DMD: variants seen among roughly 807,000 people sequenced by gnomAD.
DMD encodes the protein mutant dystrophin.
In DMD, 63 loss-of-function variants were observed where a neutral mutation model predicts 330.1. The ratio of observed to expected loss-of-function variants is 0.19; its 90% CI spans 0.16 to 0.24. The LOEUF (loss-of-function observed/expected upper bound fraction) is 0.24. Ranked by LOEUF, DMD falls within the 10% of genes least tolerant of loss-of-function variation. DMD has a pLI of 1.00. For missense variants in DMD, 3,344 were observed against 2,684.1 expected, an observed-to-expected ratio of 1.25 and a Z score of -5.43; for synonymous variants, 1,223 against 959.8, an observed-to-expected ratio of 1.27 and a Z score of -5.07.
intron 1 of DMD, among the ~76,000 whole-genome samples, chrX:33,271,777 C>CA (rs771405828): frequency 0.012 from 855 of 73,186 alleles, 3 homozygotes; most frequent in Non-Finnish European, 0.016. Flanking sequence ...AAAAAAAAAC[C>CA]AAAAAAAAAA....
intron 44 of DMD, among the ~76,000 whole-genome samples, chrX:32,038,408 C>T (rs777937722): frequency 1.8e-5 from 2 of 111,294 alleles, no homozygotes; most frequent in East Asian, 2.8e-4. Context: ...CAGGAGTTGG[C>T]GGGTGGGAAA....
intron 62 of DMD, among the ~76,000 whole-genome samples, chrX:31,269,479 C>T (rs2051445711): frequency 9.0e-6 from 1 of 111,406 alleles, no homozygotes; most frequent in Admixed American, 9.5e-5. Flanking sequence ...GTTCCCAGTA[C>T]CACTGTCTAG....
intron 21 of DMD, among the ~76,000 whole-genome samples, chrX:32,477,763 T>A (rs1010432753): frequency 1.8e-5 from 2 of 110,492 alleles, no homozygotes; most frequent in African/African-American, 6.6e-5. Context: ...AAAATAGAAC[T>A]ACTCAGAAAA....
rs1458160863 is a variant in DMD, at chrX:32,849,800, C to G, written c.114G>C (p.Glu38Asp). 1.7e-6 allele frequency: 2 copies of G among 1,203,761 alleles called. No individual in the cohort carries two copies. The highest frequency in any genetic ancestry group is 1.8e-5 in the South Asian group (1 of 56,696). Reference sequence around the variant, plus strand: ...CATCCTGTAGGTCACTGAAGAGGTTCTCAATATGCTGCTTCCCAAACTGAA... The same window carrying G: ...CATCCTGTAGGTCACTGAAGAGGTTGTCAATATGCTGCTTCCCAAACTGAA... The part of the protein sequence containing the change: ...QFSKFGKQHI[E>D]NLFSDLQDGR... Residue 38 changes from glutamate to aspartate, a missense_variant, in exon 3 of 79, where the codon GAG becomes GAC. Coordinates refer to ENST00000357033, the MANE Select transcript of DMD (RefSeq NM_004006.3).
chrX:31,807,924 GGGTGTTTTTGGATAAC>G (rs1470704478), intron 50 of DMD, among the ~76,000 whole-genome samples: 1 of 111,415 alleles, frequency 9.0e-6, no homozygotes, highest in Non-Finnish European at 1.9e-5. Flanking sequence ...CTTAGTAGCT[GGGTGTTTTTGGATAAC>G]CATTCTCTCT....
intron 55 of DMD, among the ~76,000 whole-genome samples, chrX:31,616,378 G>T (rs186804120): frequency 8.9e-6 from 1 of 111,766 alleles, no homozygotes; most frequent in Non-Finnish European, 1.9e-5. Context: ...AGACACAGAA[G>T]TAAGCTGGCT....
chrX:32,614,175 T>G (rs900601223), intron 12 of DMD, 128 bp downstream of exon 12: 2 of 722,181 alleles, frequency 2.8e-6, no homozygotes, highest in Non-Finnish European at 4.0e-6. Flanking sequence ...TAAAAATAAT[T>G]TTTAAAATAT....
chrX:32,502,227 G>C (rs2044132047), intron 18 of DMD, among the ~76,000 whole-genome samples: 1 of 111,055 alleles, frequency 9.0e-6, no homozygotes, highest in Admixed American at 9.7e-5. Context: ...TAAGTATATA[G>C]GCGGTATTAA....
intron 74 of DMD, among the ~76,000 whole-genome samples, chrX:31,156,849 T>C (rs949930370): frequency 1.8e-5 from 2 of 111,896 alleles, no homozygotes; most frequent in African/African-American, 6.5e-5. Context: ...TATGCATATC[T>C]AGCGCTTAGA....
At chrX:32,575,445 CAACTT>C (rs1477783604) in intron 13 of DMD, among the ~76,000 whole-genome samples, 19 of 111,946 alleles carry the variant, frequency 1.7e-4, no homozygotes, top group African/African-American at 5.5e-4. Context: ...ACTTTCTACT[CAACTT>C]ATTTTGAATT....
intron 27 of DMD, among the ~76,000 whole-genome samples, chrX:32,448,059 C>G (rs1278692421): frequency 9.1e-6 from 1 of 110,372 alleles, no homozygotes; most frequent in Non-Finnish European, 1.9e-5. Context: ...CCCAAAGATA[C>G]TTAAATAAGT....
intron 1 of DMD, among the ~76,000 whole-genome samples, chrX:33,042,310 T>A (rs186744348): frequency 1.8e-5 from 2 of 111,806 alleles, no homozygotes; most frequent in Admixed American, 9.7e-5. Context: ...ACATTTTCAA[T>A]ATATAATTCC....
At chrX:33,196,325 T>C (rs1299181368) in intron 1 of DMD, among the ~76,000 whole-genome samples, 2 of 111,108 alleles carry the variant, frequency 1.8e-5, no homozygotes, top group Non-Finnish European at 3.8e-5. Context: ...GTGAGAGACA[T>C]GAGCAGATGC....
At chrX:32,718,289 T>C (rs933582545) in intron 7 of DMD, among the ~76,000 whole-genome samples, 1 of 111,025 alleles carries the variant, frequency 9.0e-6, no homozygotes, top group South Asian at 3.8e-4. Context: ...CCTCTTACTG[T>C]TCCAATGATA....
intron 43 of DMD, among the ~76,000 whole-genome samples, chrX:32,242,092 G>A (rs72626024): frequency 0.12 from 13,427 of 111,201 alleles, 646 homozygotes; most frequent in Admixed American, 0.16. Flanking sequence ...TGACATGGAG[G>A]CCTGAATCCT....
chrX:33,325,834 A>G (rs752336424), intron 1 of DMD, among the ~76,000 whole-genome samples: 18 of 111,737 alleles, frequency 1.6e-4, no homozygotes, highest in African/African-American at 4.2e-4. Context: ...TACTTTACCA[A>G]TATGCCTGAA....
chrX:32,061,082 A>AT (rs925257273), intron 44 of DMD, among the ~76,000 whole-genome samples: 7 of 110,915 alleles, frequency 6.3e-5, no homozygotes, highest in East Asian at 5.7e-4. Flanking sequence ...ACTTCTCTAC[A>AT]TTTTTTTTCT....
intron 15 of DMD, among the ~76,000 whole-genome samples, chrX:32,568,289 C>G (rs1454492240): frequency 9.0e-6 from 1 of 111,313 alleles, no homozygotes. Flanking sequence ...GCGGGCGGAT[C>G]ACGAGGTCAG....
intron 16 of DMD, among the ~76,000 whole-genome samples, chrX:32,554,202 T>C (rs920738154): frequency 1.8e-5 from 2 of 111,708 alleles, no homozygotes; most frequent in African/African-American, 6.5e-5. Flanking sequence ...CTTAACAGCC[T>C]AACATCTCAA....
Sources: gnomAD v4.1 joint callset for allele counts (sites outside exome capture counted in the v4.1 genomes callset) on GRCh38, gnomAD v4.1.1 for gene constraint, MANE v1.5 for transcripts, NCBI Gene and HGNC (gene_info 2026-07-23, HGNC 2026-07-21) for gene names.